The following LPP variants were observed in gnomAD, a reference collection of about 807,000 sequenced individuals.
LPP encodes the protein LIM domain containing preferred translocation partner in lipoma, also known as lipoma-preferred partner.
In LPP, 38 loss-of-function variants were observed where a neutral mutation model predicts 60.4. That is an observed-to-expected ratio of 0.63 (90% confidence interval 0.49 to 0.83). The LOEUF (loss-of-function observed/expected upper bound fraction) is 0.83. Ranked by LOEUF, LPP falls within the 40% of genes least tolerant of loss-of-function variation. The probability of loss-of-function intolerance (pLI) is 0.00; values close to 1 mark genes in which losing one functional copy is unlikely to be tolerated. For missense variants in LPP, 902 were observed against 783.6 expected (o/e 1.15, Z -1.80); for synonymous variants, 328 against 290.8 (o/e 1.13, Z -1.30).
At chr3:188,456,142 C>A (rs1797687065) in intron 4 of LPP, among the ~76,000 whole-genome samples, 1 of 152,180 alleles carries the variant, frequency 6.6e-6, no homozygotes, top group Admixed American at 6.5e-5. Context: ...TTTCGCCTCC[C>A]CAACCACTGC....
chr3:188,205,163 G>A (rs929455113), intron 1 of LPP, among the ~76,000 whole-genome samples: 3 of 151,846 alleles, frequency 2.0e-5, no homozygotes, highest in Non-Finnish European at 4.4e-5. Context: ...GCCTTAGGAG[G>A]TAGATAAACA....
intron 5 of LPP, among the ~76,000 whole-genome samples, chr3:188,491,303 T>A (rs937930935): frequency 6.6e-6 from 1 of 152,200 alleles, no homozygotes; most frequent in Non-Finnish European, 1.5e-5. Flanking sequence ...TGAAAAGAGA[T>A]GTCGGCTGTG....
At chr3:188,291,139 C>T (rs572377882) in intron 2 of LPP, among the ~76,000 whole-genome samples, 10 of 152,258 alleles carry the variant, frequency 6.6e-5, no homozygotes, top group South Asian at 2.1e-4. Context: ...AACTCTAAGA[C>T]GAACAATTCT....
chr3:188,362,701 G>A (rs1267518304), intron 3 of LPP, among the ~76,000 whole-genome samples: 1 of 152,180 alleles, frequency 6.6e-6, no homozygotes, highest in Non-Finnish European at 1.5e-5. Flanking sequence ...TTCTATGTGT[G>A]TATAGTGCCC....
chr3:188,214,559 A>G (rs1015235862), intron 1 of LPP, among the ~76,000 whole-genome samples: 3 of 151,810 alleles, frequency 2.0e-5, no homozygotes, highest in African/African-American at 4.8e-5. Context: ...TCTGAGACCT[A>G]TGTTTGTTCT....
intron 9 of LPP, among the ~76,000 whole-genome samples, chr3:188,817,121 A>G (rs1459099632): frequency 1.3e-5 from 2 of 152,194 alleles, no homozygotes; most frequent in Non-Finnish European, 2.9e-5. Flanking sequence ...ATGAACTTAT[A>G]CAGAAGCCAA....
intron 4 of LPP, among the ~76,000 whole-genome samples, chr3:188,409,918 T>C (rs1784504939): frequency 6.6e-6 from 1 of 152,238 alleles, no homozygotes; most frequent in Non-Finnish European, 1.5e-5. Flanking sequence ...GAGTTGGCAC[T>C]CAAGTCTTTT....
intron 8 of LPP, among the ~76,000 whole-genome samples, chr3:188,748,647 G>T (rs1727074968): frequency 6.6e-6 from 1 of 152,102 alleles, no homozygotes; most frequent in Non-Finnish European, 1.5e-5. Context: ...GCTGGGCATG[G>T]TGACGTGCGC....
chr3:188,849,993 G>A (rs1762357078), intron 9 of LPP, among the ~76,000 whole-genome samples: 1 of 152,230 alleles, frequency 6.6e-6, no homozygotes, highest in Non-Finnish European at 1.5e-5. Context: ...TAAAAGATGA[G>A]GAGGTTCTGA....
intron 2 of LPP, among the ~76,000 whole-genome samples, chr3:188,294,666 T>C (rs1427656493): frequency 6.6e-6 from 1 of 152,212 alleles, no homozygotes; most frequent in African/African-American, 2.4e-5. Flanking sequence ...ACAGTCCTGA[T>C]TGTATAAATA....
chr3:188,616,244 T>C (rs191545140), intron 7 of LPP, among the ~76,000 whole-genome samples: 214 of 152,316 alleles, frequency 1.4e-3, no homozygotes, highest in Non-Finnish European at 2.3e-3. Context: ...ATTTAATCCA[T>C]CTTGAGTTAA....
At chr3:188,602,069 A>AATATAT (rs10534152) in intron 6 of LPP, among the ~76,000 whole-genome samples, 1,816 of 128,324 alleles carry the variant, frequency 0.014, 19 homozygotes, top group Middle Eastern at 0.026. Flanking sequence ...CTCTATCTCA[A>AATATAT]ATATATATAT....
chr3:188,334,863 C>T (rs1346195994), intron 2 of LPP, among the ~76,000 whole-genome samples: 1 of 151,884 alleles, frequency 6.6e-6, no homozygotes, highest in Non-Finnish European at 1.5e-5. Flanking sequence ...TTTTTTTTGT[C>T]TCTGATAATA....
intron 9 of LPP, among the ~76,000 whole-genome samples, chr3:188,801,476 A>T (rs1747252108): frequency 6.6e-6 from 1 of 152,106 alleles, no homozygotes; most frequent in Non-Finnish European, 1.5e-5. Context: ...TTTATTAGGT[A>T]TTTATTATTT....
intron 6 of LPP, among the ~76,000 whole-genome samples, chr3:188,592,525 CAAT>C (rs1456393030): frequency 2.7e-5 from 4 of 147,776 alleles, no homozygotes; most frequent in African/African-American, 1.0e-4. Context: ...ATATTTTCTA[CAAT>C]GAGTATCACT....
intron 2 of LPP, among the ~76,000 whole-genome samples, chr3:188,285,701 C>T (rs1743684847): frequency 6.6e-6 from 1 of 152,186 alleles, no homozygotes; most frequent in African/African-American, 2.4e-5. Context: ...TGTTTCTGGC[C>T]TCCTTTTTAA....
chr3:188,188,864 C>A (rs1727346405), intron 1 of LPP, among the ~76,000 whole-genome samples: 1 of 152,116 alleles, frequency 6.6e-6, no homozygotes, highest in Non-Finnish European at 1.5e-5. Context: ...CACATAATTA[C>A]ACAAAAATAG....
intron 4 of LPP, among the ~76,000 whole-genome samples, chr3:188,440,841 A>G (rs1793592793): frequency 6.6e-6 from 1 of 152,112 alleles, no homozygotes; most frequent in Admixed American, 6.6e-5. Context: ...TTCTGCTGGC[A>G]TAGAAAACTT....
At chr3:188,168,228 T>G (rs974232769) in intron 1 of LPP, among the ~76,000 whole-genome samples, 1 of 152,244 alleles carries the variant, frequency 6.6e-6, no homozygotes, top group Non-Finnish European at 1.5e-5. Flanking sequence ...ACCTCTTCAT[T>G]TAACATGTGT....
Sources: gnomAD v4.1 joint callset for allele counts (sites outside exome capture counted in the v4.1 genomes callset) on GRCh38, gnomAD v4.1.1 for gene constraint, MANE v1.5 for transcripts, NCBI Gene and HGNC (gene_info 2026-07-23, HGNC 2026-07-21) for gene names.